UHRF1: variants seen among roughly 807,000 people sequenced by gnomAD.
The protein encoded by UHRF1 is ubiquitin like with PHD and ring finger domains 1, also known as E3 ubiquitin-protein ligase UHRF1.
In UHRF1, 9 loss-of-function variants were observed where a neutral mutation model predicts 96.5. That is an observed-to-expected ratio of 0.09 (90% confidence interval 0.06 to 0.16). The LOEUF (loss-of-function observed/expected upper bound fraction) is 0.16, where lower values mean the gene tolerates loss of function less well. Ranked by LOEUF, UHRF1 falls within the 10% of genes least tolerant of loss-of-function variation. The pLI is 1.00. For synonymous variants in UHRF1, 455 were observed against 469.9 expected, an observed-to-expected ratio of 0.97 and a Z score of 0.41; for missense variants, 626 against 1,131.1, an observed-to-expected ratio of 0.55 and a Z score of 6.40.
intron 9 of UHRF1, 67 bp from the exon 10 acceptor site, chr19:4,945,794 G>A (rs975149824): frequency 3.7e-6 from 5 of 1,369,260 alleles, no homozygotes; most frequent in Non-Finnish European, 4.1e-6. Flanking sequence ...GGGAGGAGGA[G>A]GGCGGTGGAG....
At position 4,929,321 on chromosome 19, in the gene UHRF1, G is replaced by A. The variant is rs774369128; in HGVS notation, c.253G>A (p.Glu85Lys). Residue 85 changes from glutamate to lysine, a missense_variant, in exon 3 of 17, where the codon GAG becomes AAG. Glu to Lys is a moderately conservative substitution (Grantham distance 56). Transcript: ENST00000650932. ...QSLVLPHSTK[E>K]RDSELSDTDS... ...CCTCGTGCTCCCCCACAGCACCAAGGAGCGGGACTCCGAGCTCTCCGACAC... is the reference window on the plus strand; with the variant it reads ...CCTCGTGCTCCCCCACAGCACCAAGAAGCGGGACTCCGAGCTCTCCGACAC... 1 of 1,613,768 alleles carries A rather than the reference G, an allele frequency of 6.2e-7. No individual in the cohort carries two copies.
chr19:4,932,774 C>T lies in UHRF1; in HGVS notation c.603C>T (p.Ser201=). ...YPENGVVQMN[S]RDVRARARTI... Reference sequence around the variant, plus strand: ...AGAACGGCGTGGTCCAGATGAACTCCAGGGACGTCCGAGCGCGCGCCCGCA... The same window carrying T: ...AGAACGGCGTGGTCCAGATGAACTCTAGGGACGTCCGAGCGCGCGCCCGCA... Residue 201 remains serine, a synonymous_variant, in exon 5 of 17, where the codon TCC becomes TCT. Transcript: ENST00000650932. 1 of 1,613,882 alleles carries T rather than the reference C, an allele frequency of 6.2e-7. No homozygotes were observed. The highest frequency in any genetic ancestry group is 8.5e-7 in the Non-Finnish European group (1 of 1,179,882).
chr19:4,916,081 G>A (rs1156749097), intron 2 of UHRF1, among the ~76,000 whole-genome samples: 1 of 152,114 alleles, frequency 6.6e-6, no homozygotes, highest in Non-Finnish European at 1.5e-5. Context: ...AGGCTGAGGC[G>A]AGGATCGCTT....
rs973706341 is a variant in UHRF1 at position 4,954,456 on chromosome 19, C to CGGGCAA, written c.1933_1938dup (p.Gly645_Lys646dup). 1 of 1,611,708 alleles carries CGGGCAA rather than the reference C, an allele frequency of 6.2e-7. No individual in the cohort carries two copies. The highest frequency in any genetic ancestry group is 1.3e-5 in the African/African-American group (1 of 74,786). ...GAGGGGGGCTTCGCGTCCCCCAGGA[C>CGGGCAA]GGGCAAGGGCAAGTGGAAGCGGAAG... On this transcript the variant is annotated inframe_insertion, in exon 14 of 17. Transcript: ENST00000650932. This position sits in a 1 kb window ranked among gnomAD's most constrained non-coding sequence, Gnocchi z 5.9.
At chr19:4,939,601 C>G (rs1342525324) in intron 5 of UHRF1, among the ~76,000 whole-genome samples, 2 of 152,268 alleles carry the variant, frequency 1.3e-5, no homozygotes, top group Middle Eastern at 6.8e-3. Flanking sequence ...GGAGATGTCA[C>G]TTGCTGTGTG....
intron 12 of UHRF1, 32 bp from the exon 13 acceptor site, chr19:4,950,827 A>G: frequency 6.2e-7 from 1 of 1,613,992 alleles, no homozygotes; most frequent in Non-Finnish European, 8.5e-7. Flanking sequence ...GCTGCCTCTG[A>G]TGGAGCTGAC....
intron 2 of UHRF1, among the ~76,000 whole-genome samples, chr19:4,915,157 C>G (rs895437517): frequency 6.6e-6 from 1 of 152,212 alleles, no homozygotes; most frequent in African/African-American, 2.4e-5. Context: ...CAGGAATGGC[C>G]TTGCAAGAGT....
rs1039226216 is a variant in UHRF1 at position 4,954,263 on chromosome 19, A to C, written c.1819-87A>C. 1 of 1,545,900 alleles carries C rather than the reference A, an allele frequency of 6.5e-7. No individual in the cohort carries two copies. The highest frequency in any genetic ancestry group is 8.7e-7 in the Non-Finnish European group (1 of 1,143,022). On this transcript the variant is annotated intron_variant, in intron 13 of 16. Coordinates refer to ENST00000650932, the MANE Select transcript of UHRF1 (RefSeq NM_001048201.3). The surrounding 1 kb of genome is among the most constrained non-coding windows in gnomAD (Gnocchi z 5.9). ...GGGGGTCAGGTGTGTCTGGAAACCC[A>C]GACCTGGCAAGGAGGCTGGAAGAGC...
chr19:4,937,064 C>T lies in UHRF1; in HGVS notation c.785+4108C>T, dbSNP rs192916570. Among the ~76,000 whole-genome samples, 261 of 151,936 alleles carry T rather than the reference C, an allele frequency of 1.7e-3. 2 individuals carry two copies. The highest frequency in any genetic ancestry group is 5.5e-3 in the African/African-American group (229 of 41,466). ...TTTTTTTTTGTTGGAGACGGAGTCT[C>T]GCTCTCTTTTGTTCTCCATTCATAC... On this transcript the variant is annotated intron_variant, in intron 5 of 16. Transcript: ENST00000650932.
At chr19:4,920,465 C>T (rs931301128) in intron 2 of UHRF1, among the ~76,000 whole-genome samples, 2 of 152,054 alleles carry the variant, frequency 1.3e-5, no homozygotes, top group African/African-American at 4.8e-5. Flanking sequence ...CCCACGTAGC[C>T]ATCACCCTCT....
exon 1 of UHRF1, chr19:4,903,585 C>A (rs1444223677): frequency 6.6e-6 from 1 of 151,130 alleles, no homozygotes; most frequent in Non-Finnish European, 1.5e-5. Flanking sequence ...TCACTGCAAC[C>A]TCTGCCTCCT....
chr19:4,911,917 G>GT (rs1204600871), intron 2 of UHRF1, among the ~76,000 whole-genome samples: 25 of 152,170 alleles, frequency 1.6e-4, no homozygotes, highest in Non-Finnish European at 3.2e-4. Context: ...TGAGCTGCGT[G>GT]TACCCCACTG....
rs1427091083 is a variant in UHRF1 at position 4,954,597 on chromosome 19, C to G, written c.1958-53C>G. On this transcript the variant is annotated intron_variant, in intron 14 of 16. Transcript: ENST00000650932. This position sits in a 1 kb window ranked among gnomAD's most constrained non-coding sequence, Gnocchi z 5.9. ...TGGACGTGGGAGCCGGTGGCTGTCT[C>G]TCCGGCAGCTCGGGCCACGCGCCCC... 5 of 1,596,492 alleles carry G rather than the reference C, an allele frequency of 3.1e-6. No individual in the cohort carries two copies. Among genetic ancestry groups the G allele is most frequent in the East Asian group, 2.2e-5 (1 of 44,672 alleles).
At chr19:4,945,991 G>T in intron 10 of UHRF1, 26 bp downstream of exon 10, 1 of 1,249,262 alleles carries the variant, frequency 8.0e-7, no homozygotes, top group South Asian at 1.3e-5. Context: ...GGAGGGGTGG[G>T]GGAGGGTTGC....
upstream of UHRF1, among the ~76,000 whole-genome samples, chr19:4,908,422 G>A (rs766059097): frequency 6.6e-5 from 10 of 152,006 alleles, no homozygotes; most frequent in African/African-American, 9.7e-5. Flanking sequence ...AGTCCTCCCC[G>A]GTGGCCTTCA....
chr19:4,960,102 C>A (rs147111952), intron 16 of UHRF1, among the ~76,000 whole-genome samples: 1 of 152,328 alleles, frequency 6.6e-6, no homozygotes, highest in East Asian at 1.9e-4. Flanking sequence ...ATCTGCCCCC[C>A]TCGGCCTCCC....
At chr19:4,945,182 T>C (rs2033525740) in intron 9 of UHRF1, among the ~76,000 whole-genome samples, 1 of 152,096 alleles carries the variant, frequency 6.6e-6, no homozygotes, top group Admixed American at 6.5e-5. Context: ...TTTTGTGGAG[T>C]GAGTGGCAGG....
Position 4,929,272 on chromosome 19 carries a change from C to G in UHRF1, c.204C>G (p.Thr68=). ...ACTACGAGGTCCGCCTGAATGACAC[C>G]ATCCAGCTCCTGGTCCGCCAGAGCC... ...LFDYEVRLND[T]IQLLVRQSLV... Residue 68 remains threonine (T), a synonymous_variant, in exon 3 of 17, where the codon ACC becomes ACG. Transcript: ENST00000650932. 3 of 1,613,952 alleles carry G rather than the reference C, an allele frequency of 1.9e-6. No homozygotes were observed. The highest frequency in any genetic ancestry group is 2.5e-6 in the Non-Finnish European group (3 of 1,179,898).
chr19:4,955,683 G>A (rs926894574), intron 15 of UHRF1, among the ~76,000 whole-genome samples: 8 of 152,160 alleles, frequency 5.3e-5, no homozygotes, highest in Admixed American at 1.3e-4. Flanking sequence ...ACCTTCACTT[G>A]TGTCTCTTTG....
Sources: allele counts gnomAD v4.1 joint callset (sites outside exome capture counted in the v4.1 genomes callset), GRCh38; gene constraint gnomAD v4.1.1; non-coding constraint Gnocchi (gnomAD v3.1); transcripts MANE v1.5; gene names NCBI Gene and HGNC (gene_info 2026-07-23, HGNC 2026-07-21).